C1QTNF3: variants seen among roughly 807,000 people sequenced by gnomAD.
C1QTNF3 encodes complement C1q tumor necrosis factor-related protein 3.
C1QTNF3 carries 26 observed loss-of-function variants against 32.6 expected under a neutral mutation model. That is an observed-to-expected ratio of 0.80 (90% confidence interval 0.58 to 1.11). The LOEUF is 1.11. Among genes scored for constraint, C1QTNF3 ranks in the 50% least tolerant of loss-of-function variants. The pLI, the probability that C1QTNF3 is intolerant of heterozygous loss-of-function variation, is 0.00. For missense variants in C1QTNF3, 362 were observed against 398.2 expected (o/e 0.91, Z 0.77); for synonymous variants, 155 against 146.0 (o/e 1.06, Z -0.44).
chr5:34,084,817 T>TTTTTTA, the C1QTNF3 span, among the ~76,000 whole-genome samples: 1 of 112,704 alleles, frequency 8.9e-6, no homozygotes, highest in Non-Finnish European at 1.7e-5. Flanking sequence ...TTGTTTTTTT[T>TTTTTTA]CTGTGCAGAA....
the C1QTNF3 span, among the ~76,000 whole-genome samples, chr5:34,062,421 C>A: frequency 6.6e-6 from 1 of 152,146 alleles, no homozygotes; most frequent in African/African-American, 2.4e-5. Flanking sequence ...CAGATTAAGT[C>A]CTTTTGGGTA....
the C1QTNF3 span, among the ~76,000 whole-genome samples, chr5:34,221,141 A>AT: frequency 1.3e-5 from 2 of 152,064 alleles, no homozygotes; most frequent in South Asian, 2.1e-4. Context: ...TTGCTTTTGA[A>AT]TTTTTTTAAA....
intron 1 of C1QTNF3, among the ~76,000 whole-genome samples, chr5:34,039,741 A>AT (rs1332704214): frequency 5.3e-5 from 8 of 152,186 alleles, no homozygotes; most frequent in Non-Finnish European, 1.0e-4. Flanking sequence ...GTCGTCTCGC[A>AT]TTTTTTTCCA....
At chr5:34,116,956 C>T in the C1QTNF3 span, among the ~76,000 whole-genome samples, 1 of 152,056 alleles carries the variant, frequency 6.6e-6, no homozygotes. Flanking sequence ...CACAGTATAT[C>T]CTTTCATCCT....
At chr5:34,236,737 G>T in the C1QTNF3 span, among the ~76,000 whole-genome samples, 1 of 151,422 alleles carries the variant, frequency 6.6e-6, no homozygotes, top group Non-Finnish European at 1.5e-5. Context: ...ACCATACCCA[G>T]CCAATTTTTT....
chr5:34,055,674 AG>A, the C1QTNF3 span, among the ~76,000 whole-genome samples: 1 of 152,378 alleles, frequency 6.6e-6, no homozygotes, highest in Admixed American at 6.5e-5. Context: ...TTAAGGCTAC[AG>A]ATTAATCACT....
At chr5:34,082,157 G>T in the C1QTNF3 span, among the ~76,000 whole-genome samples, 1 of 151,504 alleles carries the variant, frequency 6.6e-6, no homozygotes, top group Non-Finnish European at 1.5e-5. Flanking sequence ...GGAAATAGCA[G>T]ATATAAATGA....
rs757465068 is a variant in C1QTNF3 at position 34,020,695 on chromosome 5, A to G, written c.848T>C (p.Leu283Pro). ...KSDTSSNHAV[L>P]KLAKGDEVWL... ...AACCTCATCCCCTTTGGCTAGCTTCAGCACAGCATGATTGCTGGATGTATC... is the reference window on the plus strand; with the variant it reads ...AACCTCATCCCCTTTGGCTAGCTTCGGCACAGCATGATTGCTGGATGTATC... Residue 283 changes from leucine to proline, a missense_variant, in exon 6 of 6, where the codon CTG becomes CCG. Physicochemically the swap from Leu to Pro is moderately conservative, Grantham distance 98. Transcript: ENST00000382065. 6.2e-7 allele frequency: 1 copy of G among 1,614,222 alleles called. No individual in the cohort carries two copies. Among genetic ancestry groups the G allele is most frequent in the Admixed American group, 1.7e-5 (1 of 60,032 alleles).
chr5:34,173,138 T>C, the C1QTNF3 span, among the ~76,000 whole-genome samples: 414 of 152,262 alleles, frequency 2.7e-3, no homozygotes, highest in African/African-American at 9.7e-3. Flanking sequence ...TCCAGGTTCA[T>C]TGAAATTCCC....
chr5:34,072,151 AATT>A, the C1QTNF3 span, among the ~76,000 whole-genome samples: 2 of 151,830 alleles, frequency 1.3e-5, no homozygotes, highest in Admixed American at 6.6e-5. Context: ...ACTTGTTGTG[AATT>A]ATTATTATTT....
At chr5:34,049,698 G>C in the C1QTNF3 span, among the ~76,000 whole-genome samples, 1 of 152,220 alleles carries the variant, frequency 6.6e-6, no homozygotes, top group African/African-American at 2.4e-5. Context: ...GTGACTGTGA[G>C]AGCTGGCAAG....
upstream of C1QTNF3, chr5:34,043,755 A>T (rs1754932319): frequency 6.6e-6 from 1 of 152,392 alleles, no homozygotes; most frequent in African/African-American, 2.4e-5. Flanking sequence ...ATTCAGGTGC[A>T]GTGTCTCTGG....
the C1QTNF3 span, among the ~76,000 whole-genome samples, chr5:34,054,723 A>C: frequency 6.6e-6 from 1 of 151,142 alleles, no homozygotes; most frequent in Non-Finnish European, 1.5e-5. Flanking sequence ...AAGGGCAATA[A>C]GTGGTGATTC....
the C1QTNF3 span, among the ~76,000 whole-genome samples, chr5:34,108,181 CTATAT>C: frequency 2.6e-5 from 4 of 151,944 alleles, no homozygotes; most frequent in African/African-American, 4.8e-5. Flanking sequence ...TTTGTTATCG[CTATAT>C]TATATCATAT....
the C1QTNF3 span, among the ~76,000 whole-genome samples, chr5:34,088,224 C>T: frequency 2.0e-5 from 3 of 152,124 alleles, no homozygotes; most frequent in East Asian, 5.8e-4. Flanking sequence ...ATCTTACCTA[C>T]ATAATGTCCC....
chr5:34,048,285 T>TGTGTGTGTGTGTGTGC, the C1QTNF3 span, among the ~76,000 whole-genome samples: 3 of 98,412 alleles, frequency 3.0e-5, no homozygotes, highest in African/African-American at 1.1e-4. Context: ...TGTGTGTGTG[T>TGTGTGTGTGTGTGTGC]GCATGAGAGA....
At chr5:34,048,573 T>C in the C1QTNF3 span, among the ~76,000 whole-genome samples, 4 of 151,842 alleles carry the variant, frequency 2.6e-5, no homozygotes, top group Admixed American at 1.3e-4. Context: ...CTAAAACTGA[T>C]ACCTTTGCCA....
At chr5:34,112,383 G>A in the C1QTNF3 span, among the ~76,000 whole-genome samples, 2 of 151,942 alleles carry the variant, frequency 1.3e-5, no homozygotes, top group Non-Finnish European at 2.9e-5. Flanking sequence ...TTCCTGGCAG[G>A]GTGCAGTGGC....
At chr5:34,165,215 T>C in the C1QTNF3 span, 2 of 152,068 alleles carry the variant, frequency 1.3e-5, no homozygotes, top group East Asian at 3.9e-4. Flanking sequence ...ATACCATCAG[T>C]TTCCCTAGTT....
Sources: gnomAD v4.1 joint callset for allele counts (sites outside exome capture counted in the v4.1 genomes callset) on GRCh38, gnomAD v4.1.1 for gene constraint, MANE v1.5 for transcripts, NCBI Gene and HGNC (gene_info 2026-07-23, HGNC 2026-07-21) for gene names.